MACROD2: variants seen among roughly 807,000 people sequenced by gnomAD.
MACROD2 encodes the protein ADP-ribose glycohydrolase MACROD2.
A neutral mutation model predicts 70.4 loss-of-function variants in MACROD2; 36 were observed. The ratio of observed to expected loss-of-function variants is 0.51; its 90% CI spans 0.39 to 0.68. The LOEUF (loss-of-function observed/expected upper bound fraction) is 0.68, where lower values mean the gene tolerates loss of function less well. Ranked by LOEUF, MACROD2 falls within the 30% of genes least tolerant of loss-of-function variation. MACROD2 has a pLI of 0.00. For synonymous variants in MACROD2, 172 were observed against 178.8 expected (o/e 0.96, Z 0.30); for missense variants, 496 against 538.4 (o/e 0.92, Z 0.78).
rs148295245 is a variant in MACROD2, at chr20:14,460,016, G to C, written c.272-33463G>C. Among the ~76,000 whole-genome samples, 25 of 152,110 alleles carry C rather than the reference G, an allele frequency of 1.6e-4. 1 individual carries two copies. Among genetic ancestry groups the C allele is most frequent in the African/African-American group, 5.8e-4 (24 of 41,452 alleles). On this transcript the variant is annotated intron_variant, in intron 3 of 17. Transcript: ENST00000684519. Reference sequence around the variant, plus strand: ...CTGTGTTAGTTTGCTGAGAATGATGGTTTCCAGCTCCATCCATGTACCTGC... The same window carrying C: ...CTGTGTTAGTTTGCTGAGAATGATGCTTTCCAGCTCCATCCATGTACCTGC...
chr20:15,671,005 A>C (rs1325356391), intron 8 of MACROD2, among the ~76,000 whole-genome samples: 2 of 152,254 alleles, frequency 1.3e-5, no homozygotes, highest in Non-Finnish European at 2.9e-5. Flanking sequence ...AAACAACTTA[A>C]TCACTTAAAA....
intron 5 of MACROD2, among the ~76,000 whole-genome samples, chr20:14,914,160 C>T (rs2074062108): frequency 6.6e-6 from 1 of 152,126 alleles, no homozygotes; most frequent in African/African-American, 2.4e-5. Context: ...TTTTGGTTCC[C>T]TAACTCAGAG....
chr20:15,165,795 T>C (rs1025940824), intron 5 of MACROD2, among the ~76,000 whole-genome samples: 1 of 152,150 alleles, frequency 6.6e-6, no homozygotes, highest in Non-Finnish European at 1.5e-5. Context: ...AGTGTAAGAA[T>C]ATAAGGGTTT....
intron 5 of MACROD2, among the ~76,000 whole-genome samples, chr20:15,060,913 C>G (rs1157930338): frequency 1.3e-5 from 2 of 152,134 alleles, no homozygotes; most frequent in Non-Finnish European, 2.9e-5. Context: ...CACAATGAAG[C>G]CGGCTCAGGA....
intron 3 of MACROD2, among the ~76,000 whole-genome samples, chr20:14,259,263 G>A (rs1204350085): frequency 6.6e-6 from 1 of 152,122 alleles, no homozygotes; most frequent in African/African-American, 2.4e-5. Flanking sequence ...TGAGCAGTTA[G>A]AATGGTTTGA....
chr20:15,807,432 A>G (rs1469117605), intron 8 of MACROD2, among the ~76,000 whole-genome samples: 2 of 152,220 alleles, frequency 1.3e-5, no homozygotes, highest in Non-Finnish European at 2.9e-5. Context: ...TTCCTACTTT[A>G]GTACATACAC....
chr20:15,207,076 C>A (rs1034456701), intron 5 of MACROD2, among the ~76,000 whole-genome samples: 13 of 152,086 alleles, frequency 8.5e-5, no homozygotes, highest in African/African-American at 3.1e-4. Flanking sequence ...GTTCATTATT[C>A]TTCATTGGTC....
chr20:15,274,746 T>C (rs1465776143), intron 6 of MACROD2, among the ~76,000 whole-genome samples: 3 of 152,260 alleles, frequency 2.0e-5, no homozygotes, highest in Non-Finnish European at 4.4e-5. Context: ...GCTCAGGGAC[T>C]GAGAAAGATG....
chr20:15,320,481 A>G (rs930434933), intron 6 of MACROD2, among the ~76,000 whole-genome samples: 1 of 152,194 alleles, frequency 6.6e-6, no homozygotes, highest in African/African-American at 2.4e-5. Context: ...TTACCAGACT[A>G]CTTGGTGAGA....
In MACROD2 at chr20:15,995,061, C is replaced by T. The variant is rs539195389; in HGVS notation, c.1153+7903C>T. Among the ~76,000 whole-genome samples the T allele has an allele frequency of 5.9e-5, 9 of 152,134 alleles. No individual in the cohort carries two copies. The East Asian group carries it at 1.5e-3, about 26-fold the overall frequency. The stretch of plus-strand genomic sequence containing the variant: ...GATATAATTGAGTATATTTGATATA[C>T]TCAATTGATATATAATTGAGTTATT... On this transcript the variant is annotated intron_variant, in intron 15 of 17. Coordinates refer to ENST00000684519, the MANE Select transcript of MACROD2 (RefSeq NM_001351661.2).
intron 6 of MACROD2, among the ~76,000 whole-genome samples, chr20:15,272,606 T>A (rs1299038414): frequency 6.6e-6 from 1 of 152,226 alleles, no homozygotes; most frequent in Admixed American, 6.5e-5. Context: ...GGGCTGTTCT[T>A]TCCTTTTTAT....
chr20:14,798,916 G>GATA, intron 5 of MACROD2, among the ~76,000 whole-genome samples: 1 of 151,986 alleles, frequency 6.6e-6, no homozygotes, highest in South Asian at 2.1e-4. Flanking sequence ...GCAAGAATGT[G>GATA]ATAATATAAA....
chr20:14,558,787 T>C (rs1418349363), intron 4 of MACROD2, among the ~76,000 whole-genome samples: 2 of 151,820 alleles, frequency 1.3e-5, no homozygotes, highest in Non-Finnish European at 3.0e-5. Context: ...TTTATGTCTA[T>C]ACTAAGTTTC....
chr20:15,253,265 C>T lies in MACROD2; in HGVS notation c.540+23204C>T, dbSNP rs1033202129. Reference sequence around the variant, plus strand: ...GGTAATGCCTATGGCTGCTTTTGCACTATGACAGCAAAATTGCATAGTTGT... The same window carrying T: ...GGTAATGCCTATGGCTGCTTTTGCATTATGACAGCAAAATTGCATAGTTGT... On this transcript the variant is annotated intron_variant, in intron 6 of 17. Coordinates refer to ENST00000684519, the MANE Select transcript of MACROD2 (RefSeq NM_001351661.2). Among the ~76,000 whole-genome samples, 5 of 152,286 alleles carry T rather than the reference C, an allele frequency of 3.3e-5. No individual in the cohort carries two copies. The East Asian group carries it at 9.7e-4, about 29-fold the overall frequency.
chr20:15,798,424 A>C (rs1419353720), intron 8 of MACROD2, among the ~76,000 whole-genome samples: 2 of 152,104 alleles, frequency 1.3e-5, no homozygotes, highest in African/African-American at 4.8e-5. Flanking sequence ...TGAGATTCTC[A>C]CAGCATGGTG....
rs1225791381 is a variant in MACROD2, at chr20:15,207,643, G to A, written c.419-22297G>A. ...TTTTCAGTAGAGACGGGGTTTCACC[G>A]TGTTAGCCAGGATGGTCTCAAACTC... On this transcript the variant is annotated intron_variant, in intron 5 of 17. Transcript: ENST00000684519. Among the ~76,000 whole-genome samples, 6 of 151,326 alleles carry A rather than the reference G, an allele frequency of 4.0e-5. No individual in the cohort carries two copies. The South Asian group carries it at 6.3e-4, about 16-fold the overall frequency.
At chr20:15,878,885 G>A (rs1431493616) in intron 9 of MACROD2, among the ~76,000 whole-genome samples, 1 of 152,082 alleles carries the variant, frequency 6.6e-6, no homozygotes, top group African/African-American at 2.4e-5. Context: ...AAACTAGTTG[G>A]TTTTCACATA....
intron 4 of MACROD2, among the ~76,000 whole-genome samples, chr20:14,652,126 A>T (rs906412160): frequency 6.6e-6 from 1 of 152,120 alleles, no homozygotes; most frequent in African/African-American, 2.4e-5. Flanking sequence ...ATTGCCTCAC[A>T]TTGTATATCC....
chr20:14,486,016 G>A (rs983205987), intron 3 of MACROD2, among the ~76,000 whole-genome samples: 1 of 152,056 alleles, frequency 6.6e-6, no homozygotes, highest in African/African-American at 2.4e-5. Flanking sequence ...TCAGTGACCA[G>A]TCTGTTTAAA....
Sources: gnomAD v4.1 joint callset for allele counts (sites outside exome capture counted in the v4.1 genomes callset) on GRCh38, gnomAD v4.1.1 for gene constraint, MANE v1.5 for transcripts, NCBI Gene and HGNC (gene_info 2026-07-23, HGNC 2026-07-21) for gene names.